Variants in MYO10 observed in about 807,000 individuals in gnomAD.
MYO10 encodes the protein myosin X.
In MYO10, 133 loss-of-function variants were observed where a neutral mutation model predicts 257.3. The observed-to-expected ratio is 0.52, with a 90% CI of 0.45 to 0.60. MYO10 has a LOEUF of 0.60. Among genes scored for constraint, MYO10 ranks in the 20% least tolerant of loss-of-function variants. MYO10 has a pLI of 0.00. For missense variants in MYO10, 2,399 were observed against 2,635.7 expected, an observed-to-expected ratio of 0.91 and a Z score of 1.97; for synonymous variants, 1,104 against 1,028.6, an observed-to-expected ratio of 1.07 and a Z score of -1.40.
intron 1 of MYO10, among the ~76,000 whole-genome samples, chr5:16,885,190 T>C (rs1022459955): frequency 1.4e-5 from 2 of 144,614 alleles, no homozygotes; most frequent in Non-Finnish European, 3.0e-5. Context: ...CTGTCCACTC[T>C]GCTTTTTTTT....
At chr5:16,909,579 A>G (rs1207066744) in intron 1 of MYO10, among the ~76,000 whole-genome samples, 2 of 151,862 alleles carry the variant, frequency 1.3e-5, no homozygotes, top group Non-Finnish European at 2.9e-5. Context: ...AGCACAGAAA[A>G]ACCCTGCCCC....
At chr5:16,919,310 G>A (rs187253456) in intron 1 of MYO10, among the ~76,000 whole-genome samples, 2 of 152,176 alleles carry the variant, frequency 1.3e-5, no homozygotes, top group Admixed American at 1.3e-4. Flanking sequence ...CCCAGGAGAC[G>A]GAGGTTGCAG....
Position 16,877,689 on chromosome 5 carries a change from T to C in MYO10, c.40A>G (p.Arg14Gly). The change falls in exon 2 of 41, where the codon AGA becomes GGA. Residue 14 changes from arginine (R) to glycine (G), a missense_variant. Coordinates refer to ENST00000513610, the MANE Select transcript of MYO10 (RefSeq NM_012334.3). Reference sequence around the variant, plus strand: ...CTTGGAAAATGCTGGCCATTTTCTCTCAGCCAGACCCGTGTTCCCTGTAAA... The same window carrying C: ...CTTGGAAAATGCTGGCCATTTTCTCCCAGCCAGACCCGTGTTCCCTGTAAA... Reference protein sequence around the residue: ...FFTEGTRVWLRENGQHFPSTV... With the variant: ...FFTEGTRVWLGENGQHFPSTV... 1 of 1,613,544 alleles carries C rather than the reference T, an allele frequency of 6.2e-7. No individual in the cohort carries two copies. The highest frequency in any genetic ancestry group is 8.5e-7 in the Non-Finnish European group (1 of 1,179,694).
chr5:16,719,024 G>A (rs60629362), intron 19 of MYO10, among the ~76,000 whole-genome samples: 4,156 of 151,752 alleles, frequency 0.027, 192 homozygotes, highest in African/African-American at 0.094. Flanking sequence ...TTAGCAACCC[G>A]CTCGGGTCCC....
intron 32 of MYO10, among the ~76,000 whole-genome samples, chr5:16,681,058 T>A (rs946408841): frequency 2.0e-5 from 3 of 152,112 alleles, no homozygotes; most frequent in Admixed American, 2.0e-4. Flanking sequence ...TCCCGTACGA[T>A]GCCCTGCATC....
chr5:16,792,124 C>CATACAT (rs1383496902), intron 4 of MYO10, among the ~76,000 whole-genome samples: 405 of 120,226 alleles, frequency 3.4e-3, no homozygotes, highest in Non-Finnish European at 6.4e-3. Context: ...CACACACACA[C>CATACAT]ACACACACAG....
At chr5:16,747,183 A>G (rs1740219657) in intron 19 of MYO10, among the ~76,000 whole-genome samples, 2 of 152,172 alleles carry the variant, frequency 1.3e-5, no homozygotes, top group Non-Finnish European at 2.9e-5. Context: ...TGAGGGAGGT[A>G]GACAGGGCGA....
chr5:16,685,691 C>G, intron 29 of MYO10, 47 bp downstream of exon 29: 182 of 704,624 alleles, frequency 2.6e-4, no homozygotes, highest in East Asian at 5.6e-4. Context: ...CCCTCCCCGT[C>G]CCTGCCCCTA....
chr5:16,776,892 A>C lies in MYO10; in HGVS notation c.930+2653T>G, dbSNP rs184720153. On this transcript the variant is annotated intron_variant, in intron 9 of 40. Coordinates refer to ENST00000513610, the MANE Select transcript of MYO10 (RefSeq NM_012334.3). ...CCTGCAGTGACACTGCCATGTGGAT[A>C]ATCAGGTGTCTTGTCTGTATTCTTT... is the stretch of plus-strand genomic sequence containing the variant. Among the ~76,000 whole-genome samples, 20 of 152,322 alleles carry C rather than the reference A, an allele frequency of 1.3e-4. No homozygotes were observed. In the East Asian group the frequency reaches 3.7e-3, roughly 28 times the overall value.
chr5:16,798,854 C>T (rs1742040917), intron 3 of MYO10, among the ~76,000 whole-genome samples: 1 of 152,100 alleles, frequency 6.6e-6, no homozygotes, highest in Non-Finnish European at 1.5e-5. Context: ...ACACGGCGGG[C>T]TCAACTGAGC....
chr5:16,706,300 A>AATATATATAT (rs200664749), intron 21 of MYO10, among the ~76,000 whole-genome samples: 1 of 151,496 alleles, frequency 6.6e-6, no homozygotes, highest in African/African-American at 2.4e-5. Flanking sequence ...TATACATGAG[A>AATATATATAT]ATATATATAT....
chr5:16,696,046 C>T (rs557945171), intron 26 of MYO10, among the ~76,000 whole-genome samples: 1 of 152,298 alleles, frequency 6.6e-6, no homozygotes, highest in East Asian at 1.9e-4. Flanking sequence ...GAAAACTGTG[C>T]AAAATTATTC....
intron 2 of MYO10, among the ~76,000 whole-genome samples, chr5:16,826,430 T>C (rs1242022369): frequency 6.6e-6 from 1 of 151,904 alleles, no homozygotes; most frequent in African/African-American, 2.4e-5. Context: ...AAGAACACAA[T>C]AAAAGGTAGC....
At chr5:16,693,215 C>T (rs1737584102) in intron 27 of MYO10, among the ~76,000 whole-genome samples, 1 of 152,112 alleles carries the variant, frequency 6.6e-6, no homozygotes, top group African/African-American at 2.4e-5. Context: ...CTGCAGTGAG[C>T]CGAGATCGTG....
intron 35 of MYO10, 114 bp downstream of exon 35, chr5:16,674,739 C>T: frequency 8.2e-7 from 1 of 1,224,820 alleles, no homozygotes; most frequent in Non-Finnish European, 1.2e-6. Context: ...CCAGAGGTCC[C>T]TGTCCTACTA....
chr5:16,727,656 CT>C (rs1195229187), intron 19 of MYO10, among the ~76,000 whole-genome samples: 3 of 152,162 alleles, frequency 2.0e-5, no homozygotes, highest in Non-Finnish European at 4.4e-5. Flanking sequence ...TAACTAACTA[CT>C]TTCCCTAACA....
At chr5:16,886,840 G>A (rs1449970845) in intron 1 of MYO10, among the ~76,000 whole-genome samples, 5 of 150,610 alleles carry the variant, frequency 3.3e-5, no homozygotes. Context: ...TCTGAAGCAT[G>A]AGAATCGCTT....
rs770032128 is a variant in MYO10 at position 16,766,212 on chromosome 5, G to A, written c.1061-14C>T. 1 of 1,599,836 alleles carries A rather than the reference G, an allele frequency of 6.3e-7. No individual in the cohort carries two copies. Among genetic ancestry groups the A allele is most frequent in the Non-Finnish European group, 8.6e-7 (1 of 1,168,468 alleles). ...ATCTGCCCAAAGCTGCAGAGAATAA[G>A]ACAAAGGTGAATGAACCCACCGCCC... On this transcript the variant is annotated splice_polypyrimidine_tract_variant and intron_variant, in intron 10 of 40. Transcript: ENST00000513610.
chr5:16,744,394 A>G (rs866837664), intron 19 of MYO10, among the ~76,000 whole-genome samples: 24 of 152,270 alleles, frequency 1.6e-4, no homozygotes, highest in African/African-American at 4.8e-4. Flanking sequence ...TGTAGTGATG[A>G]GGCCTGGGCG....
Sources: allele counts gnomAD v4.1 joint callset (sites outside exome capture counted in the v4.1 genomes callset), GRCh38; gene constraint gnomAD v4.1.1; transcripts MANE v1.5; gene names NCBI Gene and HGNC (gene_info 2026-07-23, HGNC 2026-07-21).